The following PCDH15 variants were observed in gnomAD, a reference collection of about 807,000 sequenced individuals.
The protein encoded by PCDH15 is protocadherin related 15.
In PCDH15, 129 loss-of-function variants were observed where a neutral mutation model predicts 178.5. The ratio of observed to expected loss-of-function variants is 0.72; its 90% CI spans 0.63 to 0.84. PCDH15 has a LOEUF of 0.84. PCDH15 is among the 40% of genes least tolerant of loss of function. The probability of loss-of-function intolerance (pLI) is 0.00; values close to 1 mark genes in which losing one functional copy is unlikely to be tolerated. For missense variants in PCDH15, 2,230 were observed against 2,099.9 expected, an observed-to-expected ratio of 1.06 and a Z score of -1.21; for synonymous variants, 800 against 732.0, an observed-to-expected ratio of 1.09 and a Z score of -1.50.
chr10:55,127,145 T>C (rs913633201), intron 2 of PCDH15, among the ~76,000 whole-genome samples: 7 of 152,032 alleles, frequency 4.6e-5, no homozygotes, highest in Admixed American at 6.6e-5. Flanking sequence ...CCTATTCCAG[T>C]GAATCAATTG....
chr10:54,859,064 G>C (rs1184180117), intron 3 of PCDH15, among the ~76,000 whole-genome samples: 2 of 151,826 alleles, frequency 1.3e-5, no homozygotes, highest in Non-Finnish European at 2.9e-5. Flanking sequence ...TATTCCTCAG[G>C]GTAAAGTGCT....
rs191028777 is a variant in PCDH15 at position 53,972,370 on chromosome 10, A to T, written c.2869-10478T>A. On this transcript the variant is annotated intron_variant, in intron 21 of 37. Transcript: ENST00000644397. The stretch of plus-strand genomic sequence containing the variant: ...ACCTAGGTAATACCATTCAGGACAT[A>T]GGCATGTGCAAAGGCTTCATGACTA... Among the ~76,000 whole-genome samples the T allele has an allele frequency of 8.0e-3, 1,225 of 152,326 alleles. 15 individuals are homozygous for T. The highest frequency in any genetic ancestry group is 0.028 in the African/African-American group (1,160 of 41,562).
intron 3 of PCDH15, among the ~76,000 whole-genome samples, chr10:54,881,312 C>G (rs1172822001): frequency 1.3e-5 from 2 of 152,094 alleles, no homozygotes; most frequent in South Asian, 2.1e-4. Flanking sequence ...TAAGGAAATG[C>G]TTTTGCCTCT....
intron 2 of PCDH15, among the ~76,000 whole-genome samples, chr10:55,393,969 A>C (rs1837861456): frequency 6.6e-6 from 1 of 152,084 alleles, no homozygotes; most frequent in Non-Finnish European, 1.5e-5. Context: ...GCCTCCCCTT[A>C]CAAATATATA....
chr10:54,247,363 C>A (rs1020111745), intron 8 of PCDH15, among the ~76,000 whole-genome samples: 1 of 151,996 alleles, frequency 6.6e-6, no homozygotes, highest in Non-Finnish European at 1.5e-5. Flanking sequence ...TAGGACCAGA[C>A]AGTACATATG....
chr10:53,925,943 T>G (rs1042839423), intron 25 of PCDH15, among the ~76,000 whole-genome samples: 2 of 152,038 alleles, frequency 1.3e-5, no homozygotes, highest in African/African-American at 2.4e-5. Flanking sequence ...TGCTATATGA[T>G]TTTTTTTCAA....
chr10:54,978,036 A>G (rs1839121033), intron 2 of PCDH15, among the ~76,000 whole-genome samples: 1 of 152,174 alleles, frequency 6.6e-6, no homozygotes, highest in African/African-American at 2.4e-5. Context: ...AGTTCTTAAT[A>G]TTTCTTACCT....
intron 2 of PCDH15, among the ~76,000 whole-genome samples, chr10:55,074,634 G>A (rs1365586795): frequency 6.6e-6 from 1 of 152,066 alleles, no homozygotes; most frequent in Non-Finnish European, 1.5e-5. Context: ...CAGATGGATA[G>A]ATTGCAAAAA....
At chr10:54,851,478 T>G (rs2131766377) in intron 3 of PCDH15, among the ~76,000 whole-genome samples, 1 of 152,300 alleles carries the variant, frequency 6.6e-6, no homozygotes, top group East Asian at 1.9e-4. Flanking sequence ...ATGGAAACTG[T>G]CTTCAGAGAT....
chr10:54,353,649 A>AGG (rs1470704891), intron 5 of PCDH15, among the ~76,000 whole-genome samples: 1 of 146,360 alleles, frequency 6.8e-6, no homozygotes, highest in Non-Finnish European at 1.5e-5. Context: ...GCTCAACTTA[A>AGG]TGTTTTTTTT....
chr10:55,240,205 A>G (rs1005424599), intron 1 of PCDH15, among the ~76,000 whole-genome samples: 1 of 152,214 alleles, frequency 6.6e-6, no homozygotes, highest in Non-Finnish European at 1.5e-5. Flanking sequence ...GGAAACTGAT[A>G]CATCATAGAG....
chr10:55,428,422 A>G (rs1383537333), intron 2 of PCDH15, among the ~76,000 whole-genome samples: 1 of 151,872 alleles, frequency 6.6e-6, no homozygotes, highest in Non-Finnish European at 1.5e-5. Flanking sequence ...TCATTTTTGT[A>G]ACAGAATTGG....
At chr10:54,743,810 A>C (rs1179877925) in intron 1 of PCDH15, among the ~76,000 whole-genome samples, 1 of 145,084 alleles carries the variant, frequency 6.9e-6, no homozygotes, top group East Asian at 2.0e-4. Flanking sequence ...TATTAGATTT[A>C]GAAAAAAGAA....
At chr10:54,520,213 A>G (rs535535850) in intron 3 of PCDH15, among the ~76,000 whole-genome samples, 6 of 152,236 alleles carry the variant, frequency 3.9e-5, no homozygotes, top group African/African-American at 1.2e-4. Flanking sequence ...ATTGACAAAT[A>G]GGATCTAATT....
intron 20 of PCDH15, among the ~76,000 whole-genome samples, chr10:53,999,114 C>T (rs1289945572): frequency 6.6e-6 from 1 of 150,476 alleles, no homozygotes; most frequent in Non-Finnish European, 1.5e-5. Context: ...CATACTAAAG[C>T]TAATTCAGGC....
chr10:54,139,340 A>G (rs1021607867), intron 14 of PCDH15, among the ~76,000 whole-genome samples: 3 of 152,176 alleles, frequency 2.0e-5, no homozygotes, highest in Non-Finnish European at 2.9e-5. Flanking sequence ...GCTAACTTTA[A>G]ATGATGGTGT....
At chr10:54,774,006 G>GTTTT (rs1949392260) in intron 1 of PCDH15, among the ~76,000 whole-genome samples, 1 of 90,660 alleles carries the variant, frequency 1.1e-5, no homozygotes. Flanking sequence ...TACTTCATAG[G>GTTTT]CTTTTTTTTT....
chr10:54,262,611 G>C (rs138155905), intron 8 of PCDH15, among the ~76,000 whole-genome samples: 4 of 152,268 alleles, frequency 2.6e-5, no homozygotes, highest in African/African-American at 7.2e-5. Context: ...CAAGACTCCA[G>C]TACACCACGC....
intron 2 of PCDH15, among the ~76,000 whole-genome samples, chr10:55,567,482 T>C (rs1029697407): frequency 6.8e-6 from 1 of 146,678 alleles, no homozygotes; most frequent in African/African-American, 2.5e-5. Context: ...CAAAAGAAAA[T>C]TATAACTACA....
Sources: gnomAD v4.1 joint callset for allele counts (sites outside exome capture counted in the v4.1 genomes callset) on GRCh38, gnomAD v4.1.1 for gene constraint, MANE v1.5 for transcripts, NCBI Gene and HGNC (gene_info 2026-07-23, HGNC 2026-07-21) for gene names.